The following PLXDC2 variants were observed in gnomAD, a reference collection of about 807,000 sequenced individuals.
PLXDC2 encodes the protein plexin domain containing 2.
PLXDC2 carries 40 observed loss-of-function variants against 68.9 expected under a neutral mutation model. The observed-to-expected ratio is 0.58, with a 90% CI of 0.45 to 0.76. The LOEUF is 0.76. Ranked by LOEUF, PLXDC2 falls within the 30% of genes least tolerant of loss-of-function variation. PLXDC2 has a pLI of 0.00. For missense variants in PLXDC2, 644 were observed against 661.9 expected (o/e 0.97, Z 0.30); for synonymous variants, 243 against 234.2 (o/e 1.04, Z -0.34).
chr10:20,114,589 C>A (rs1415315453), intron 4 of PLXDC2, among the ~76,000 whole-genome samples: 2 of 152,134 alleles, frequency 1.3e-5, no homozygotes, highest in Non-Finnish European at 2.9e-5. Flanking sequence ...CAGGTGTGGA[C>A]CACAAAGGGT....
intron 2 of PLXDC2, among the ~76,000 whole-genome samples, chr10:20,028,822 G>A (rs777392920): frequency 6.6e-6 from 1 of 152,030 alleles, no homozygotes; most frequent in African/African-American, 2.4e-5. Context: ...TACCTTCTCT[G>A]TTCCACCCTA....
intron 13 of PLXDC2, among the ~76,000 whole-genome samples, chr10:20,272,085 G>A (rs1258856423): frequency 6.6e-6 from 1 of 152,160 alleles, no homozygotes; most frequent in Non-Finnish European, 1.5e-5. Context: ...GGCTGCTGGT[G>A]TCAGAGCAAG....
chr10:20,220,657 C>T (rs556494933), intron 12 of PLXDC2, among the ~76,000 whole-genome samples: 2 of 152,126 alleles, frequency 1.3e-5, no homozygotes, highest in Non-Finnish European at 2.9e-5. Flanking sequence ...ACTGATAATT[C>T]ATTCATTCAT....
chr10:20,082,468 T>C (rs1346551888), intron 4 of PLXDC2, among the ~76,000 whole-genome samples: 1 of 145,688 alleles, frequency 6.9e-6, no homozygotes, highest in Non-Finnish European at 1.5e-5. Flanking sequence ...CTGTTACACA[T>C]ATTAAATAAT....
chr10:20,226,972 C>T (rs1344932615), intron 12 of PLXDC2, among the ~76,000 whole-genome samples: 1 of 151,156 alleles, frequency 6.6e-6, no homozygotes, highest in Non-Finnish European at 1.5e-5. Flanking sequence ...TTTGTGTTAC[C>T]CAATATTTCC....
intron 1 of PLXDC2, among the ~76,000 whole-genome samples, chr10:19,880,162 T>C (rs972518789): frequency 1.3e-5 from 2 of 152,214 alleles, no homozygotes; most frequent in African/African-American, 4.8e-5. Flanking sequence ...TGGTATCTGT[T>C]ACATGGCAGA....
intron 9 of PLXDC2, among the ~76,000 whole-genome samples, chr10:20,189,421 G>A (rs1211147990): frequency 7.2e-6 from 1 of 138,500 alleles, no homozygotes; most frequent in Non-Finnish European, 1.5e-5. Flanking sequence ...CACATATTGT[G>A]TATAATAAAA....
intron 9 of PLXDC2, among the ~76,000 whole-genome samples, chr10:20,197,893 C>A (rs773688735): frequency 2.0e-5 from 3 of 152,016 alleles, no homozygotes; most frequent in African/African-American, 7.2e-5. Flanking sequence ...TGGCCCAAGT[C>A]GTAGTTAAGA....
At chr10:20,245,712 C>T (rs933343371) in intron 13 of PLXDC2, among the ~76,000 whole-genome samples, 2 of 152,154 alleles carry the variant, frequency 1.3e-5, no homozygotes, top group African/African-American at 4.8e-5. Flanking sequence ...TACCTTATCT[C>T]AGGAGCTTTT....
At chr10:20,140,288 G>T (rs1473981409) in intron 4 of PLXDC2, among the ~76,000 whole-genome samples, 1 of 151,706 alleles carries the variant, frequency 6.6e-6, no homozygotes, top group Non-Finnish European at 1.5e-5. Context: ...GACAGAGCGA[G>T]ACTCCATCTC....
chr10:20,211,054 G>T (rs540102463), intron 9 of PLXDC2, among the ~76,000 whole-genome samples: 4 of 152,170 alleles, frequency 2.6e-5, no homozygotes, highest in Admixed American at 2.6e-4. Context: ...TATCTGCATG[G>T]CTCAAGACCC....
At chr10:20,180,684 GGTTT>G (rs1243549698) in intron 9 of PLXDC2, among the ~76,000 whole-genome samples, 1 of 151,906 alleles carries the variant, frequency 6.6e-6, no homozygotes, top group African/African-American at 2.4e-5. Flanking sequence ...AATTTTAATT[GGTTT>G]GTTTATTTCA....
At chr10:19,842,857 T>G (rs1826613177) in intron 1 of PLXDC2, among the ~76,000 whole-genome samples, 2 of 152,152 alleles carry the variant, frequency 1.3e-5, no homozygotes, top group South Asian at 4.1e-4. Context: ...CTATAAAGCC[T>G]TCTTATCTTT....
Position 20,288,736 on chromosome 10 carries a change from C to T in PLXDC2, c.*8917C>T, listed in dbSNP as rs1318816782. ...CAGCTTCTTAAACCAAGTTTCTCTG[C>T]AGCTCTTTCGGTTCTGCTTACAGTG... is the stretch of plus-strand genomic sequence containing the variant. On this transcript the variant is annotated 3_prime_UTR_variant, in exon 14 of 14. Coordinates refer to ENST00000377252, the MANE Select transcript of PLXDC2 (RefSeq NM_032812.9). 6.6e-6 allele frequency: 1 copy of T among 152,194 alleles called. No individual in the cohort carries two copies. Among genetic ancestry groups the T allele is most frequent in the African/African-American group, 2.4e-5 (1 of 41,450 alleles). 9.4% of individuals were successfully genotyped at this position (152,194 alleles called of 1,614,324 possible).
At chr10:20,208,655 A>G (rs186941235) in intron 9 of PLXDC2, among the ~76,000 whole-genome samples, 18 of 152,314 alleles carry the variant, frequency 1.2e-4, no homozygotes, top group Admixed American at 9.2e-4. Context: ...TATTATGATC[A>G]ATATAAGACC....
At chr10:19,848,142 T>G (rs1055180993) in intron 1 of PLXDC2, among the ~76,000 whole-genome samples, 1 of 152,152 alleles carries the variant, frequency 6.6e-6, no homozygotes, top group Non-Finnish European at 1.5e-5. Context: ...ATAAAATTTC[T>G]TTTTAATTAA....
chr10:20,037,104 C>A (rs2131672808), intron 2 of PLXDC2, among the ~76,000 whole-genome samples: 1 of 152,296 alleles, frequency 6.6e-6, no homozygotes, highest in Middle Eastern at 3.4e-3. Flanking sequence ...AGTTCAACTC[C>A]TTCCTATACA....
intron 1 of PLXDC2, among the ~76,000 whole-genome samples, chr10:19,855,065 G>C (rs1837187982): frequency 6.6e-6 from 1 of 152,148 alleles, no homozygotes; most frequent in African/African-American, 2.4e-5. Context: ...CTTCAGGGCA[G>C]GGATCTTTGT....
chr10:20,151,099 T>A (rs1422679765), intron 6 of PLXDC2, among the ~76,000 whole-genome samples: 2 of 152,208 alleles, frequency 1.3e-5, no homozygotes, highest in Admixed American at 1.3e-4. Flanking sequence ...AGTTTCTACT[T>A]TTCTAGTCTA....
Sources: allele counts gnomAD v4.1 joint callset (sites outside exome capture counted in the v4.1 genomes callset), GRCh38; gene constraint gnomAD v4.1.1; transcripts MANE v1.5; gene names NCBI Gene and HGNC (gene_info 2026-07-23, HGNC 2026-07-21).